Variants in NFKBIZ observed in about 807,000 individuals in gnomAD.
The protein encoded by NFKBIZ is NFKB inhibitor zeta.
Under a neutral mutation model 76.8 loss-of-function variants are expected in NFKBIZ, and 19 were observed. The observed-to-expected ratio is 0.25, with a 90% CI of 0.17 to 0.36. The LOEUF (loss-of-function observed/expected upper bound fraction) is 0.36, where lower values mean the gene tolerates loss of function less well. Among genes scored for constraint, NFKBIZ ranks in the 10% least tolerant of loss-of-function variants. The pLI, the probability that NFKBIZ is intolerant of heterozygous loss-of-function variation, is 1.00. For missense variants in NFKBIZ, 829 were observed against 910.9 expected, an observed-to-expected ratio of 0.91 and a Z score of 1.16; for synonymous variants, 368 against 354.8, an observed-to-expected ratio of 1.04 and a Z score of -0.42.
At chr3:101,844,592 A>G (rs986130453), upstream of NFKBIZ, among the ~76,000 whole-genome samples, 60 of 152,252 alleles carry the variant, frequency 3.9e-4, no homozygotes, top group African/African-American at 1.4e-3. Flanking sequence ...ATTAAAATAA[A>G]ACACCTTTGA....
In NFKBIZ at chr3:101,849,679, G is replaced by A. The variant is rs1278884848; in HGVS notation, c.51G>A (p.Arg17=). ...ACAGCCGCGGCGGAGAGGGGCTGCG[G>A]GACGCGGCGGGCGGCTGCGGCCTCA... ...LDDSRGGEGL[R]DAAGGCGLMT... The change falls in exon 1 of 12, where the codon CGG becomes CGA. Residue 17 remains arginine, a synonymous_variant. Transcript: ENST00000326172. 2 of 1,395,374 alleles carry A rather than the reference G, an allele frequency of 1.4e-6. No individual in the cohort carries two copies. The highest frequency in any genetic ancestry group is 1.8e-6 in the Non-Finnish European group (2 of 1,082,668). The allele number at this position is 1,395,374 out of a possible 1,614,324, so 86.4% of individuals were successfully genotyped here. A position where few individuals can be genotyped will look rare whatever the true frequency, so the allele number is the denominator to read the frequency against.
chr3:101,845,261 C>CT (rs1294289859), upstream of NFKBIZ, among the ~76,000 whole-genome samples: 2 of 146,754 alleles, frequency 1.4e-5, no homozygotes, highest in Admixed American at 1.4e-4. Context: ...GAGCGAGACT[C>CT]TGTCTCAAAA....
In NFKBIZ at chr3:101,859,408, G is replaced by GCC; in HGVS notation, c.*37_*38insCC. 6.3e-7 allele frequency: 1 copy of GCC among 1,575,258 alleles called. No homozygotes were observed. Among genetic ancestry groups the GCC allele is most frequent in the Non-Finnish European group, 8.7e-7 (1 of 1,144,842 alleles). On this transcript the variant is annotated 3_prime_UTR_variant, in exon 12 of 12. Transcript: ENST00000326172. ...TGGAGCCTGGCTAGCAACACTCACT[G>GCC]TCAGTTAGGCAGTCCTGATGTATCT...
Position 101,860,581 on chromosome 3 carries a change from A to G in NFKBIZ, c.*1210A>G, listed in dbSNP as rs944568015. The G allele has an allele frequency of 5.3e-5, 8 of 152,182 alleles. No individual in the cohort carries two copies. The highest frequency in any genetic ancestry group is 1.9e-4 in the East Asian group (1 of 5,204). The allele number at this position is 152,182 out of a possible 1,614,324, so 9.4% of individuals were successfully genotyped here. On this transcript the variant is annotated 3_prime_UTR_variant, in exon 12 of 12. Transcript: ENST00000326172. ...TTTTTTTACCTTTATTGAAACAACA[A>G]AAAGTCAGTATTGAAACATATCTTC...
intron 2 of NFKBIZ, among the ~76,000 whole-genome samples, chr3:101,831,460 T>G (rs1412506664): frequency 6.6e-6 from 1 of 152,212 alleles, no homozygotes; most frequent in African/African-American, 2.4e-5. Flanking sequence ...TTTCTGTGGT[T>G]TGTTGTCTTT....
chr3:101,852,656 G>T (rs767336953), intron 2 of NFKBIZ, 82 bp from the exon 3 acceptor site: 1 of 881,470 alleles, frequency 1.1e-6, no homozygotes, highest in Non-Finnish European at 1.8e-6. Context: ...TATAAAGGGT[G>T]GTAGAGATAA....
At chr3:101,839,523 A>G (rs943995745) in intron 2 of NFKBIZ, among the ~76,000 whole-genome samples, 3 of 152,200 alleles carry the variant, frequency 2.0e-5, no homozygotes, top group Non-Finnish European at 4.4e-5. Context: ...AGTGAGCTCA[A>G]TTTAAGCTCA....
At chr3:101,844,323 T>C (rs1470718732) in intron 2 of NFKBIZ, among the ~76,000 whole-genome samples, 1 of 152,268 alleles carries the variant, frequency 6.6e-6, no homozygotes, top group Non-Finnish European at 1.5e-5. Context: ...ATATTGTTAC[T>C]GCTTCATCCA....
At chr3:101,835,695 T>A (rs1240612939) in intron 2 of NFKBIZ, among the ~76,000 whole-genome samples, 1 of 152,136 alleles carries the variant, frequency 6.6e-6, no homozygotes, top group African/African-American at 2.4e-5. Flanking sequence ...TAACTTACAC[T>A]CTTTAAAGGC....
chr3:101,854,898 C>T (rs1159350170), intron 6 of NFKBIZ, among the ~76,000 whole-genome samples, 164 bp from the exon 7 acceptor site: 1 of 152,114 alleles, frequency 6.6e-6, no homozygotes, highest in Non-Finnish European at 1.5e-5. Context: ...TAAAGCCACA[C>T]CCTAGGCTTA....
At chr3:101,846,183 A>C (rs1942847733), upstream of NFKBIZ, among the ~76,000 whole-genome samples, 1 of 152,148 alleles carries the variant, frequency 6.6e-6, no homozygotes, top group African/African-American at 2.4e-5. Context: ...AAAGTAGCTC[A>C]CTCACATGGC....
At chr3:101,851,992 A>G in intron 1 of NFKBIZ, 93 bp from the exon 2 acceptor site, 1 of 1,475,238 alleles carries the variant, frequency 6.8e-7, no homozygotes, top group Non-Finnish European at 9.2e-7. Flanking sequence ...TGGGGACTTT[A>G]TACATTAGGC....
At chr3:101,855,499 G>T in intron 8 of NFKBIZ, 41 bp downstream of exon 8, 1 of 1,571,248 alleles carries the variant, frequency 6.4e-7, no homozygotes, top group Non-Finnish European at 8.8e-7. Flanking sequence ...GCCACTTAGG[G>T]GGAACCATAA....
At chr3:101,848,382 C>G (rs1335526542), upstream of NFKBIZ, among the ~76,000 whole-genome samples, 2 of 152,154 alleles carry the variant, frequency 1.3e-5, no homozygotes, top group African/African-American at 4.8e-5. Flanking sequence ...ATGCTGTGGG[C>G]CCCAATCCCA....
intron 2 of NFKBIZ, among the ~76,000 whole-genome samples, chr3:101,829,879 TTGTGTG>T (rs71132601): frequency 6.7e-6 from 1 of 150,284 alleles, no homozygotes; most frequent in Admixed American, 6.6e-5. Flanking sequence ...CTAAGATTTT[TTGTGTG>T]TGTGTGTGTG....
chr3:101,828,888 A>G (rs1942599967), intron 1 of NFKBIZ, among the ~76,000 whole-genome samples: 1 of 152,214 alleles, frequency 6.6e-6, no homozygotes, highest in African/African-American at 2.4e-5. Flanking sequence ...GATGACAGTT[A>G]CGTAAATTTT....
At position 101,853,087 on chromosome 3, in the gene NFKBIZ, C is replaced by A. The variant is rs188729931; in HGVS notation, c.565-4C>A. 78 of 1,612,290 alleles carry A rather than the reference C, an allele frequency of 4.8e-5. No homozygotes were observed. The Middle Eastern group carries it at 9.9e-4, about 20-fold the overall frequency. On this transcript the variant is annotated splice_region_variant and splice_polypyrimidine_tract_variant and intron_variant, in intron 4 of 11. Coordinates refer to ENST00000326172, the MANE Select transcript of NFKBIZ (RefSeq NM_031419.4). Reference sequence around the variant, plus strand: ...TGTGCAAGTTGCATTTTCCTTCTTTCCAGACACCACCTCAAACACCAACGC... The same window carrying A: ...TGTGCAAGTTGCATTTTCCTTCTTTACAGACACCACCTCAAACACCAACGC...
At chr3:101,845,636 T>C (rs1439465035), upstream of NFKBIZ, among the ~76,000 whole-genome samples, 3 of 152,180 alleles carry the variant, frequency 2.0e-5, no homozygotes, top group Admixed American at 6.5e-5. Flanking sequence ...CTCTGGATTA[T>C]TGGTCTCAAG....
chr3:101,845,949 A>G (rs1942844196), upstream of NFKBIZ, among the ~76,000 whole-genome samples: 1 of 152,246 alleles, frequency 6.6e-6, no homozygotes, highest in South Asian at 2.1e-4. Context: ...GAGGCTTCAG[A>G]GTCAGTTAGA....
Sources: gnomAD v4.1 joint callset for allele counts (sites outside exome capture counted in the v4.1 genomes callset) on GRCh38, gnomAD v4.1.1 for gene constraint, MANE v1.5 for transcripts, NCBI Gene and HGNC (gene_info 2026-07-23, HGNC 2026-07-21) for gene names.